Variants in STK39 observed in about 807,000 individuals in gnomAD.
STK39 encodes the protein serine/threonine kinase 39, also known as STE20/SPS1-related proline-alanine-rich protein kinase.
In STK39, 20 loss-of-function variants were observed where a neutral mutation model predicts 77.8. The ratio of observed to expected loss-of-function variants is 0.26; its 90% CI spans 0.18 to 0.37. The LOEUF (loss-of-function observed/expected upper bound fraction) is 0.37, where lower values mean the gene tolerates loss of function less well. Among genes scored for constraint, STK39 ranks in the 10% least tolerant of loss-of-function variants. The probability of loss-of-function intolerance (pLI) is 1.00; values close to 1 mark genes in which losing one functional copy is unlikely to be tolerated. For missense variants in STK39, 479 were observed against 656.5 expected, an observed-to-expected ratio of 0.73 and a Z score of 2.95; for synonymous variants, 246 against 234.1, an observed-to-expected ratio of 1.05 and a Z score of -0.47.
At chr2:168,186,162 A>G (rs1340983389) in intron 1 of STK39, among the ~76,000 whole-genome samples, 1 of 152,170 alleles carries the variant, frequency 6.6e-6, no homozygotes, top group East Asian at 1.9e-4. Context: ...AAAAGAGACA[A>G]TAGAGAGCTT....
intron 10 of STK39, among the ~76,000 whole-genome samples, chr2:168,103,531 C>T (rs557979715): frequency 2.4e-4 from 36 of 152,292 alleles, no homozygotes; most frequent in African/African-American, 8.7e-4. Context: ...ATTACACAAG[C>T]GTTCCAAAAT....
intron 1 of STK39, among the ~76,000 whole-genome samples, chr2:168,190,944 C>T (rs1574541867): frequency 6.6e-6 from 1 of 152,344 alleles, no homozygotes; most frequent in East Asian, 1.9e-4. Context: ...AAAGAAATGT[C>T]TATTGCTATT....
intron 5 of STK39, among the ~76,000 whole-genome samples, chr2:168,144,641 A>AC (rs56406652): frequency 0.21 from 30,659 of 149,108 alleles, 4,243 homozygotes; most frequent in East Asian, 0.43. Context: ...TATAAGACTC[A>AC]TTTTTTTTTT....
chr2:167,987,023 G>A (rs1052974886), intron 16 of STK39, among the ~76,000 whole-genome samples: 7 of 152,310 alleles, frequency 4.6e-5, no homozygotes, highest in African/African-American at 1.4e-4. Flanking sequence ...GTCTCCAAGA[G>A]AACAAGTTAG....
At chr2:168,155,167 G>A (rs1688393846) in intron 5 of STK39, among the ~76,000 whole-genome samples, 1 of 152,126 alleles carries the variant, frequency 6.6e-6, no homozygotes, top group Non-Finnish European at 1.5e-5. Flanking sequence ...AATTCCAGCA[G>A]GAGAGTAGAG....
At chr2:168,018,574 GAA>G (rs1338477615) in intron 14 of STK39, among the ~76,000 whole-genome samples, 3 of 143,258 alleles carry the variant, frequency 2.1e-5, no homozygotes, top group Non-Finnish European at 4.4e-5. Flanking sequence ...AAGAAAGAAA[GAA>G]AGAAAGAAAG....
At chr2:168,090,506 C>A (rs1244999006) in intron 10 of STK39, among the ~76,000 whole-genome samples, 1 of 152,174 alleles carries the variant, frequency 6.6e-6, no homozygotes, top group Non-Finnish European at 1.5e-5. Context: ...TTCTGAAACC[C>A]TTTAGTTCCC....
At chr2:168,086,346 T>C (rs1167241080) in intron 10 of STK39, among the ~76,000 whole-genome samples, 1 of 152,206 alleles carries the variant, frequency 6.6e-6, no homozygotes, top group Non-Finnish European at 1.5e-5. Flanking sequence ...TCCATCTGAC[T>C]ATGTTATTAT....
chr2:168,067,800 T>C (rs1685833546), intron 12 of STK39, among the ~76,000 whole-genome samples: 1 of 152,162 alleles, frequency 6.6e-6, no homozygotes, highest in Non-Finnish European at 1.5e-5. Context: ...TTTTAAACAA[T>C]TTGCTATAGG....
chr2:168,143,572 G>C (rs1270581438), intron 5 of STK39, among the ~76,000 whole-genome samples: 1 of 152,066 alleles, frequency 6.6e-6, no homozygotes, highest in Non-Finnish European at 1.5e-5. Context: ...AAATCAGCTG[G>C]GCCTGGTGGC....
chr2:168,130,665 TTG>T (rs201157108), intron 8 of STK39, among the ~76,000 whole-genome samples: 1 of 152,244 alleles, frequency 6.6e-6, no homozygotes, highest in East Asian at 1.9e-4. Flanking sequence ...TTTCTGCTAA[TTG>T]TGTTCATATC....
chr2:168,238,696 C>A (rs1338875092), intron 1 of STK39, among the ~76,000 whole-genome samples: 2 of 152,202 alleles, frequency 1.3e-5, no homozygotes, highest in African/African-American at 4.8e-5. Flanking sequence ...TCTAAATCGA[C>A]TCTAGAAATA....
At chr2:168,227,834 TTTTTAGTAGAGATGGGGTTTCACCGTG>T (rs149465922) in intron 1 of STK39, among the ~76,000 whole-genome samples, 4,473 of 152,206 alleles carry the variant, frequency 0.029, 128 homozygotes, top group East Asian at 0.079. Flanking sequence ...ATTTTTTGTA[TTTTTAGTAGAGATGGGGTTTCACCGTG>T]TTAGCCAGGA....
At chr2:168,215,989 T>C (rs1312776036) in intron 1 of STK39, among the ~76,000 whole-genome samples, 1 of 152,130 alleles carries the variant, frequency 6.6e-6, no homozygotes. Context: ...AGTTATGCAA[T>C]ACATTTATGT....
intron 12 of STK39, among the ~76,000 whole-genome samples, chr2:168,071,273 G>A (rs993768133): frequency 1.8e-4 from 28 of 151,892 alleles, no homozygotes; most frequent in African/African-American, 6.5e-4. Flanking sequence ...TATTCGACTT[G>A]CAGTGCATAC....
At chr2:168,225,044 T>C (rs1574571615) in intron 1 of STK39, among the ~76,000 whole-genome samples, 1 of 152,224 alleles carries the variant, frequency 6.6e-6, no homozygotes, top group Non-Finnish European at 1.5e-5. Context: ...CAGCAGTTCA[T>C]GATCACTGAC....
intron 1 of STK39, among the ~76,000 whole-genome samples, chr2:168,189,851 C>T (rs1391253915): frequency 6.6e-6 from 1 of 152,184 alleles, no homozygotes; most frequent in African/African-American, 2.4e-5. Context: ...AATATTGATA[C>T]TGACGAACAT....
intron 10 of STK39, among the ~76,000 whole-genome samples, chr2:168,123,872 CAAAA>C (rs60490866): frequency 9.2e-5 from 11 of 119,750 alleles, no homozygotes; most frequent in East Asian, 4.5e-4. Context: ...GATTCCATCT[CAAAA>C]AAAAAAAAAA....
intron 12 of STK39, among the ~76,000 whole-genome samples, chr2:168,068,657 T>C (rs1000396694): frequency 1.1e-4 from 17 of 152,242 alleles, no homozygotes; most frequent in African/African-American, 4.1e-4. Context: ...AAAGTTCATT[T>C]TCAGATATAT....
Sources: allele counts gnomAD v4.1 joint callset (sites outside exome capture counted in the v4.1 genomes callset), GRCh38; gene constraint gnomAD v4.1.1; transcripts MANE v1.5; gene names NCBI Gene and HGNC (gene_info 2026-07-23, HGNC 2026-07-21).